DCBLD1: variants seen among roughly 807,000 people sequenced by gnomAD.
DCBLD1 encodes the protein discoidin, CUB and LCCL domain-containing protein 1.
In DCBLD1, 57 loss-of-function variants were observed where a neutral mutation model predicts 71.5. That is an observed-to-expected ratio of 0.80 (90% CI 0.64 to 0.99). The LOEUF is 0.99. Among genes scored for constraint, DCBLD1 ranks in the 50% least tolerant of loss-of-function variants. DCBLD1 has a pLI of 0.00. For missense variants in DCBLD1, 891 were observed against 923.5 expected (o/e 0.96, Z 0.46); for synonymous variants, 380 against 363.8 (o/e 1.04, Z -0.51).
At chr6:117,545,241 A>T (rs1413738809) in intron 13 of DCBLD1, among the ~76,000 whole-genome samples, 3 of 151,984 alleles carry the variant, frequency 2.0e-5, no homozygotes, top group Admixed American at 2.0e-4. Flanking sequence ...AGAATCTGGG[A>T]CCTGATGAGG....
intron 14 of DCBLD1, among the ~76,000 whole-genome samples, chr6:117,567,908 A>G (rs1410272848): frequency 6.6e-6 from 1 of 151,692 alleles, no homozygotes; most frequent in Non-Finnish European, 1.5e-5. Context: ...GTTACAGATC[A>G]TGCCAGGCAC....
At chr6:117,498,911 A>T (rs963803951) in intron 1 of DCBLD1, among the ~76,000 whole-genome samples, 4 of 152,164 alleles carry the variant, frequency 2.6e-5, no homozygotes, top group Non-Finnish European at 5.9e-5. Flanking sequence ...TTATCTATTT[A>T]AAAGATTTTA....
At chr6:117,496,645 A>G (rs1777478620) in intron 1 of DCBLD1, among the ~76,000 whole-genome samples, 1 of 152,124 alleles carries the variant, frequency 6.6e-6, no homozygotes, top group South Asian at 2.1e-4. Flanking sequence ...GACCTGTTGT[A>G]ACTTGAATAT....
rs1779359440 is a variant in DCBLD1 at position 117,548,598 on chromosome 6, A to C, written c.*159A>C. 6.9e-7 allele frequency: 1 copy of C among 1,441,598 alleles called. No homozygotes were observed. Among genetic ancestry groups the C allele is most frequent in the African/African-American group, 1.4e-5 (1 of 70,028 alleles). 89.3% of individuals were successfully genotyped at this position (1,441,598 alleles called of 1,614,324 possible). ...AGTAGGATCCTAGAGACAACCTGTC[A>C]TACTGTTTACAAAATTGTGCAGCTG... On this transcript the variant is annotated 3_prime_UTR_variant, in exon 15 of 15. Coordinates refer to ENST00000338728, the MANE Select transcript of DCBLD1 (RefSeq NM_001366458.2).
chr6:117,532,951 G>A (rs1209230807), intron 6 of DCBLD1, among the ~76,000 whole-genome samples: 1 of 152,150 alleles, frequency 6.6e-6, no homozygotes, highest in Non-Finnish European at 1.5e-5. Context: ...GCTTTAAATG[G>A]TTCAACTTAA....
At chr6:117,540,023 A>G (rs1779036899) in intron 9 of DCBLD1, 1 of 152,432 alleles carries the variant, frequency 6.6e-6, no homozygotes, top group South Asian at 2.1e-4. Flanking sequence ...GTGAGCCGAG[A>G]TTGCACCATT....
intron 1 of DCBLD1, among the ~76,000 whole-genome samples, chr6:117,501,691 C>T (rs528794169): frequency 6.6e-6 from 1 of 152,214 alleles, no homozygotes; most frequent in African/African-American, 2.4e-5. Flanking sequence ...CCCTTTAAAG[C>T]CGACAAATAA....
intron 2 of DCBLD1, among the ~76,000 whole-genome samples, chr6:117,515,797 A>T (rs143447785): frequency 3.0e-4 from 46 of 152,318 alleles, no homozygotes; most frequent in African/African-American, 1.1e-3. Flanking sequence ...ACGATTAAAA[A>T]TATTTTATGA....
chr6:117,493,254 A>G (rs1562429096), intron 1 of DCBLD1, among the ~76,000 whole-genome samples: 4 of 152,178 alleles, frequency 2.6e-5, no homozygotes, highest in African/African-American at 9.7e-5. Flanking sequence ...CTTTTTGGAA[A>G]TGTAGAATTT....
intron 4 of DCBLD1, among the ~76,000 whole-genome samples, chr6:117,522,513 C>T (rs556240783): frequency 1.3e-5 from 2 of 152,006 alleles, no homozygotes; most frequent in South Asian, 4.2e-4. Context: ...ATAATTATAG[C>T]TCACTACAGC....
At chr6:117,546,817 A>C (rs956563267) in intron 14 of DCBLD1, among the ~76,000 whole-genome samples, 9 of 151,938 alleles carry the variant, frequency 5.9e-5, no homozygotes, top group African/African-American at 1.9e-4. Flanking sequence ...CCAGTCCATA[A>C]TTCTCAGCAG....
intron 14 of DCBLD1, among the ~76,000 whole-genome samples, chr6:117,559,679 G>A (rs555455426): frequency 2.2e-4 from 33 of 152,264 alleles, no homozygotes; most frequent in Middle Eastern, 3.4e-3. Flanking sequence ...AGCACCAACA[G>A]TGCACGGTAA....
At chr6:117,562,003 C>T (rs1779593476) in intron 14 of DCBLD1, 1 of 206,486 alleles carries the variant, frequency 4.8e-6, no homozygotes, top group East Asian at 7.4e-5. Context: ...CTTAATATTC[C>T]TTTAACTGTA....
intron 2 of DCBLD1, among the ~76,000 whole-genome samples, chr6:117,518,783 TC>T (rs749472977): frequency 1.3e-5 from 2 of 152,116 alleles, no homozygotes; most frequent in Non-Finnish European, 2.9e-5. Context: ...TTCAGTTACC[TC>T]CCACCAGGTC....
chr6:117,557,910 C>G (rs1237369786), intron 14 of DCBLD1, among the ~76,000 whole-genome samples: 1 of 152,190 alleles, frequency 6.6e-6, no homozygotes, highest in Non-Finnish European at 1.5e-5. Context: ...CCTGGCTTTA[C>G]TAGGATTTAG....
chr6:117,556,456 A>G (rs1003432325), intron 14 of DCBLD1, among the ~76,000 whole-genome samples: 7 of 152,200 alleles, frequency 4.6e-5, no homozygotes, highest in African/African-American at 1.7e-4. Flanking sequence ...TCCCACTTAT[A>G]AGTGAGAACA....
chr6:117,494,349 C>T (rs1156739480), intron 1 of DCBLD1, among the ~76,000 whole-genome samples: 1 of 152,168 alleles, frequency 6.6e-6, no homozygotes, highest in Non-Finnish European at 1.5e-5. Flanking sequence ...TACACTTTAT[C>T]TGAATATTGG....
chr6:117,521,982 A>G (rs961880176), intron 4 of DCBLD1, among the ~76,000 whole-genome samples: 1 of 152,184 alleles, frequency 6.6e-6, no homozygotes, highest in African/African-American at 2.4e-5. Context: ...GGGCCAATGA[A>G]TCATTACCGA....
chr6:117,543,188 G>A lies in DCBLD1; in HGVS notation c.1422G>A (p.Met474Ile), dbSNP rs1467619717. The change falls in exon 12 of 15, where the codon ATG (methionine) becomes ATA (isoleucine). Residue 474 changes from methionine to isoleucine, a missense_variant. Physicochemically the swap from Met to Ile is conservative, Grantham distance 10. Coordinates refer to ENST00000338728, the MANE Select transcript of DCBLD1 (RefSeq NM_001366458.2). The stretch of plus-strand genomic sequence containing the variant: ...TTGTTGTCCTGGTGTTTGCTGGAAT[G>A]GGGATCTTTGCAGCCTTTAGAAAGT... ...VLLVVLVFAG[M>I]GIFAAFRKKK... is the part of the protein sequence containing the mutation. 15 of 1,613,898 alleles carry A rather than the reference G, an allele frequency of 9.3e-6. No homozygotes were observed. Among genetic ancestry groups the A allele is most frequent in the Non-Finnish European group, 1.3e-5 (15 of 1,179,962 alleles).
Sources: gnomAD v4.1 joint callset for allele counts (sites outside exome capture counted in the v4.1 genomes callset) on GRCh38, gnomAD v4.1.1 for gene constraint, MANE v1.5 for transcripts, NCBI Gene and HGNC (gene_info 2026-07-23, HGNC 2026-07-21) for gene names.